Variants in DNM1L observed in about 807,000 individuals in gnomAD.
DNM1L encodes the protein dynamin-1-like protein.
In DNM1L, 33 loss-of-function variants were observed where a neutral mutation model predicts 92.8. The observed-to-expected ratio is 0.36, with a 90% CI of 0.27 to 0.48. The LOEUF (loss-of-function observed/expected upper bound fraction) is 0.48. Ranked by LOEUF, DNM1L falls within the 20% of genes least tolerant of loss-of-function variation. DNM1L has a pLI of 0.99. For synonymous variants in DNM1L, 284 were observed against 305.0 expected (o/e 0.93, Z 0.72); for missense variants, 485 against 888.8 (o/e 0.55, Z 5.78).
At chr12:32,737,009 A>G in intron 13 of DNM1L, 96 bp from the exon 14 acceptor site, 1 of 1,203,172 alleles carries the variant, frequency 8.3e-7, no homozygotes, top group Non-Finnish European at 1.2e-6. Context: ...ATGTATCTGT[A>G]AGTTACTCCA....
intron 1 of DNM1L, among the ~76,000 whole-genome samples, chr12:32,688,988 G>C (rs1035347528): frequency 3.9e-5 from 6 of 152,160 alleles, no homozygotes; most frequent in African/African-American, 1.4e-4. Flanking sequence ...CTTGAGCCCA[G>C]GAGGTTGAGG....
At chr12:32,716,772 A>G (rs1953400054) in intron 6 of DNM1L, among the ~76,000 whole-genome samples, 1 of 146,044 alleles carries the variant, frequency 6.8e-6, no homozygotes, top group African/African-American at 2.5e-5. Context: ...ATAGTAACTG[A>G]AAATACCATA....
chr12:32,744,149 T>G lies in DNM1L; in HGVS notation c.*739T>G, dbSNP rs1376199458. On this transcript the variant is annotated 3_prime_UTR_variant, in exon 20 of 20. Transcript: ENST00000549701. Reference sequence around the variant, plus strand: ...AAAAACAGCCATCTACCCTTGATTATCTAGAAAGACTTGGTAATGATGGTC... The same window carrying G: ...AAAAACAGCCATCTACCCTTGATTAGCTAGAAAGACTTGGTAATGATGGTC... 1 of 152,224 alleles carries G rather than the reference T, an allele frequency of 6.6e-6. No individual in the cohort carries two copies. The highest frequency in any genetic ancestry group is 2.4e-5 in the African/African-American group (1 of 41,448). The allele number at this position is 152,224 out of a possible 1,614,324, so 9.4% of individuals were successfully genotyped here.
At chr12:32,716,729 T>C (rs1953390065) in intron 6 of DNM1L, among the ~76,000 whole-genome samples, 1 of 138,614 alleles carries the variant, frequency 7.2e-6, no homozygotes, top group African/African-American at 2.8e-5. Context: ...AGAGTATATA[T>C]ACACTATATA....
intron 1 of DNM1L, among the ~76,000 whole-genome samples, chr12:32,688,238 G>T (rs1284287572): frequency 1.3e-5 from 2 of 152,194 alleles, no homozygotes; most frequent in Non-Finnish European, 2.9e-5. Flanking sequence ...ATGAATTTTA[G>T]ATTTGGCTTC....
At position 32,735,697 on chromosome 12, in the gene DNM1L, G is replaced by C. The variant is rs116105992; in HGVS notation, c.1540-1408G>C. ...GGAGTTCAAGTCTAGCCTGGCCAAC[G>C]TGGCAAAACTGTCTCTACTAAAAAT... On this transcript the variant is annotated intron_variant, in intron 13 of 19. Coordinates refer to ENST00000549701, the MANE Select transcript of DNM1L (RefSeq NM_012062.5). Among the ~76,000 whole-genome samples the C allele has an allele frequency of 4.5e-3, 682 of 152,024 alleles. 9 individuals are homozygous for C. Among genetic ancestry groups the C allele is most frequent in the African/African-American group, 0.015 (641 of 41,480 alleles).
rs1955527236 is a variant in DNM1L at position 32,744,646 on chromosome 12, G to A, written c.*1236G>A. ...GAGAATTGCTTGACCCTGGGAGGTGGAGGTTGTGGTGAGCTAAGATCGTGC... is the reference window on the plus strand; with the variant it reads ...GAGAATTGCTTGACCCTGGGAGGTGAAGGTTGTGGTGAGCTAAGATCGTGC... On this transcript the variant is annotated 3_prime_UTR_variant, in exon 20 of 20. Coordinates refer to ENST00000549701, the MANE Select transcript of DNM1L (RefSeq NM_012062.5). 1 of 300,566 alleles carries A rather than the reference G, an allele frequency of 3.3e-6. No individual in the cohort carries two copies. The highest frequency in any genetic ancestry group is 6.4e-6 in the Non-Finnish European group (1 of 156,660). 18.6% of individuals were successfully genotyped at this position (300,566 alleles called of 1,614,324 possible). A position where few individuals can be genotyped will look rare whatever the true frequency, so the allele number is the denominator to read the frequency against.
chr12:32,703,142 T>C (rs770918144), intron 2 of DNM1L, among the ~76,000 whole-genome samples: 2 of 152,028 alleles, frequency 1.3e-5, no homozygotes, highest in Non-Finnish European at 2.9e-5. Context: ...ATTTGAATTG[T>C]GGGCAGTGTT....
At chr12:32,723,182 G>A (rs942282137) in intron 9 of DNM1L, among the ~76,000 whole-genome samples, 1 of 150,326 alleles carries the variant, frequency 6.7e-6, no homozygotes, top group African/African-American at 2.4e-5. Flanking sequence ...AGGATTTCAA[G>A]TTACATACTT....
At chr12:32,732,648 A>G in intron 12 of DNM1L, 1 of 450,002 alleles carries the variant, frequency 2.2e-6, no homozygotes, top group Admixed American at 2.4e-5. Flanking sequence ...TAGCAAGGAT[A>G]GCCCTCAGAT....
intron 1 of DNM1L, among the ~76,000 whole-genome samples, chr12:32,699,496 T>G (rs1952608424): frequency 6.6e-6 from 1 of 152,116 alleles, no homozygotes; most frequent in East Asian, 1.9e-4. Context: ...AATGTAAATT[T>G]AAATGAGCTG....
chr12:32,733,259 C>T (rs10844330), intron 12 of DNM1L, among the ~76,000 whole-genome samples: 23,404 of 152,104 alleles, frequency 0.15, 1,901 homozygotes, highest in Middle Eastern at 0.21. Context: ...ACCTCAGGTC[C>T]TTAGATGTAT....
At chr12:32,703,013 A>G (rs75009691) in intron 2 of DNM1L, among the ~76,000 whole-genome samples, 1,976 of 151,924 alleles carry the variant, frequency 0.013, 15 homozygotes, top group Non-Finnish European at 0.022. Context: ...ATCTGAAACT[A>G]AGACCTTAAG....
intron 6 of DNM1L, among the ~76,000 whole-genome samples, chr12:32,716,008 T>TG (rs1953347570): frequency 6.6e-6 from 1 of 152,140 alleles, no homozygotes; most frequent in Non-Finnish European, 1.5e-5. Context: ...ATTCCTCAGA[T>TG]GGGGAGTGAA....
chr12:32,742,479 CA>C, intron 18 of DNM1L, 109 bp from the exon 19 acceptor site: 1 of 1,319,950 alleles, frequency 7.6e-7, no homozygotes, highest in Non-Finnish European at 1.1e-6. Flanking sequence ...ATGAAATATC[CA>C]AAGTAGTAGT....
chr12:32,710,102 A>C (rs1198585425), intron 4 of DNM1L, among the ~76,000 whole-genome samples: 1 of 152,176 alleles, frequency 6.6e-6, no homozygotes. Flanking sequence ...CAATCCTAAT[A>C]CTTGTAGAGG....
intron 3 of DNM1L, 101 bp from the exon 4 acceptor site, chr12:32,708,052 C>A: frequency 1.5e-6 from 1 of 650,644 alleles, no homozygotes; most frequent in Non-Finnish European, 2.8e-6. Context: ...TTTTCTGAAG[C>A]AAATACATAG....
chr12:32,717,258 G>T (rs1375273074), intron 6 of DNM1L, among the ~76,000 whole-genome samples: 3 of 91,634 alleles, frequency 3.3e-5, no homozygotes, highest in African/African-American at 4.6e-5. Flanking sequence ...AGTATATATA[G>T]TATATATATA....
At chr12:32,741,936 G>A (rs1955328005) in intron 18 of DNM1L, among the ~76,000 whole-genome samples, 2 of 152,238 alleles carry the variant, frequency 1.3e-5, no homozygotes, top group South Asian at 4.1e-4. Context: ...GTGTCATTAA[G>A]TGACATATCT....
Sources: gnomAD v4.1 joint callset for allele counts (sites outside exome capture counted in the v4.1 genomes callset) on GRCh38, gnomAD v4.1.1 for gene constraint, MANE v1.5 for transcripts, NCBI Gene and HGNC (gene_info 2026-07-23, HGNC 2026-07-21) for gene names.